Variants in AP1M1 observed in about 807,000 individuals in gnomAD.
AP1M1 encodes the protein AP-1 complex subunit mu-1.
AP1M1 carries 18 observed loss-of-function variants against 57.1 expected under a neutral mutation model. That is an observed-to-expected ratio of 0.32 (90% CI 0.22 to 0.47). AP1M1 has a LOEUF of 0.47. Among genes scored for constraint, AP1M1 ranks in the 20% least tolerant of loss-of-function variants. The probability of loss-of-function intolerance (pLI) is 1.00; values close to 1 mark genes in which losing one functional copy is unlikely to be tolerated. For missense variants in AP1M1, 362 were observed against 593.5 expected (o/e 0.61, Z 4.05); for synonymous variants, 241 against 237.9 (o/e 1.01, Z -0.12).
In AP1M1 at chr19:16,204,027, C is replaced by T. The variant is rs887672782; in HGVS notation, c.199+412C>T. On this transcript the variant is annotated intron_variant, in intron 2 of 11. Transcript: ENST00000291439. ...AGGGCAGCGAGGCTGGAGTGGTCAG[C>T]GGGGTCTGGGGTCTCAAAGAACATC... Among the ~76,000 whole-genome samples, 4 of 151,986 alleles carry T rather than the reference C, an allele frequency of 2.6e-5. 1 individual carries two copies. Among genetic ancestry groups the T allele is most frequent in the African/African-American group, 2.4e-5 (1 of 41,374 alleles).
At chr19:16,224,743 G>T (rs573544063) in intron 5 of AP1M1, among the ~76,000 whole-genome samples, 1 of 152,302 alleles carries the variant, frequency 6.6e-6, no homozygotes, top group Admixed American at 6.5e-5. Flanking sequence ...ACTCCCTGAG[G>T]GGGAGGCAGC....
intron 1 of AP1M1, among the ~76,000 whole-genome samples, chr19:16,199,761 G>A (rs925274687): frequency 2.6e-5 from 4 of 152,184 alleles, no homozygotes; most frequent in Non-Finnish European, 5.9e-5. Context: ...TGGGTGGTGC[G>A]GTGGAATGAG....
chr19:16,202,663 G>A (rs747156529), intron 1 of AP1M1, among the ~76,000 whole-genome samples: 5 of 152,226 alleles, frequency 3.3e-5, no homozygotes, highest in Admixed American at 6.5e-5. Context: ...TCGGGAGTCC[G>A]ATCCCTTCCG....
Position 16,228,875 on chromosome 19 carries a change from G to A in AP1M1, c.994G>A (p.Val332Ile), listed in dbSNP as rs769317734. The A allele has an allele frequency of 8.1e-6, 13 of 1,614,074 alleles. No individual in the cohort carries two copies. The highest frequency in any genetic ancestry group is 1.0e-5 in the Non-Finnish European group (12 of 1,180,038). The stretch of plus-strand genomic sequence containing the variant: ...CAAGTTCAAGACGACGGTGGGGAGC[G>A]TTAAGTGGGTCCCCGAGAACAGCGA... ...SPKFKTTVGS[V>I]KWVPENSEIV... Residue 332 changes from valine (V) to isoleucine (I), a missense_variant, in exon 9 of 12, where the codon GTT becomes ATT. Around this residue, in one of 2 missense-constraint regions of AP1M1, gnomAD observed 337 missense variants for 511.1 expected, o/e 0.66. Coordinates refer to ENST00000291439, the MANE Select transcript of AP1M1 (RefSeq NM_032493.4). The surrounding 1 kb of genome is among the most constrained non-coding windows in gnomAD (Gnocchi z 5.0).
chr19:16,218,311 T>C (rs1266484902), intron 5 of AP1M1, among the ~76,000 whole-genome samples: 1 of 152,196 alleles, frequency 6.6e-6, no homozygotes, highest in Non-Finnish European at 1.5e-5. Context: ...GTCTCAGTTT[T>C]GGGGCTCGCC....
In AP1M1 at chr19:16,198,087, C is replaced by A. The variant is rs1312460693; in HGVS notation, c.42+19C>A. 3.1e-6 allele frequency: 5 copies of A among 1,593,744 alleles called. No homozygotes were observed. Among genetic ancestry groups the A allele is most frequent in the Non-Finnish European group, 3.4e-6 (4 of 1,173,670 alleles). Reference sequence around the variant, plus strand: ...GGGCAAGGTACTGAGGGCTCCCCACCCTCCCTGTTGCCAGGCAACCGGCAG... The same window carrying A: ...GGGCAAGGTACTGAGGGCTCCCCACACTCCCTGTTGCCAGGCAACCGGCAG... On this transcript the variant is annotated intron_variant, in intron 1 of 11. Transcript: ENST00000291439.
At chr19:16,229,953 G>T (rs2091588982) in intron 9 of AP1M1, among the ~76,000 whole-genome samples, 1 of 152,270 alleles carries the variant, frequency 6.6e-6, no homozygotes, top group South Asian at 2.1e-4. Flanking sequence ...TCCATGGAGG[G>T]GTGGTGACCA....
chr19:16,228,905 G>A lies in AP1M1; in HGVS notation c.1024G>A (p.Val342Met), dbSNP rs767279011. ...GTGGGTCCCCGAGAACAGCGAGATC[G>A]TGTGGTCCATCAAGTCCTTCCCGGT... ...VKWVPENSEIVWSIKSFPGGK... is the reference protein window; with the variant it reads ...VKWVPENSEIMWSIKSFPGGK... The change falls in exon 9 of 12, where the codon GTG (valine) becomes ATG (methionine). Residue 342 changes from valine (V) to methionine (M), a missense_variant. Physicochemically the swap from Val to Met is conservative, Grantham distance 21. Transcript: ENST00000291439. The surrounding 1 kb of genome is among the most constrained non-coding windows in gnomAD (Gnocchi z 5.0). 57 of 1,614,042 alleles carry A rather than the reference G, an allele frequency of 3.5e-5. No individual in the cohort carries two copies. In the South Asian group the frequency reaches 4.9e-4, roughly 14 times the overall value.
chr19:16,215,463 CAAAAAAAAAAAAAAAAAA>C (rs59357311), intron 5 of AP1M1, among the ~76,000 whole-genome samples: 1 of 30,970 alleles, frequency 3.2e-5, no homozygotes, highest in Non-Finnish European at 7.1e-5. Flanking sequence ...GATTCCATCT[CAAAAAAAAAAAAAAAAAA>C]AAAAAAAAAA....
intron 5 of AP1M1, among the ~76,000 whole-genome samples, chr19:16,219,279 G>A (rs1402981959): frequency 6.6e-6 from 1 of 152,058 alleles, no homozygotes; most frequent in Non-Finnish European, 1.5e-5. Flanking sequence ...ACAAATGCTT[G>A]GGAGCAGAAG....
rs370410116 is a variant in AP1M1, at chr19:16,207,975, A to C, written c.268-44A>C. On this transcript the variant is annotated intron_variant, in intron 3 of 11. Coordinates refer to ENST00000291439, the MANE Select transcript of AP1M1 (RefSeq NM_032493.4). This position sits in a 1 kb window ranked among gnomAD's most constrained non-coding sequence, Gnocchi z 4.2. ...TCATTCATTCCTCATCCGTCCGCTC[A>C]ATGATCTGCCTCCCATTCCTCCCTC... 1 of 1,589,538 alleles carries C rather than the reference A, an allele frequency of 6.3e-7. No homozygotes were observed. Among genetic ancestry groups the C allele is most frequent in the Non-Finnish European group, 8.6e-7 (1 of 1,168,126 alleles).
chr19:16,200,567 G>A (rs1219602991), intron 1 of AP1M1, among the ~76,000 whole-genome samples: 2 of 152,126 alleles, frequency 1.3e-5, no homozygotes, highest in Non-Finnish European at 2.9e-5. Flanking sequence ...CACGACCCAC[G>A]GACCTCCTGT....
intron 5 of AP1M1, among the ~76,000 whole-genome samples, chr19:16,221,447 T>A (rs1438621121): frequency 6.6e-6 from 1 of 152,224 alleles, no homozygotes; most frequent in Non-Finnish European, 1.5e-5. Flanking sequence ...CTGTGTCCTA[T>A]CTCCATTGGC....
Position 16,203,719 on chromosome 19 carries a change from C to T in AP1M1, c.199+104C>T, listed in dbSNP as rs2091458541. The T allele has an allele frequency of 4.7e-6, 6 of 1,266,942 alleles. No homozygotes were observed. The South Asian group carries it at 5.8e-5, about 12-fold the overall frequency. The allele number at this position is 1,266,942 out of a possible 1,614,324, so 78.5% of individuals were successfully genotyped here. On this transcript the variant is annotated intron_variant, in intron 2 of 11. Coordinates refer to ENST00000291439, the MANE Select transcript of AP1M1 (RefSeq NM_032493.4). The surrounding 1 kb of genome is among the most constrained non-coding windows in gnomAD (Gnocchi z 4.6). ...AGGGCTGGTTTGTGCACAGCGCAAG[C>T]ATTGGACACAGCCATGCCCTCCTGG...
At position 16,236,198 on chromosome 19, in the gene AP1M1, C is replaced by G. The variant is rs1248783891; in HGVS notation, c.*1763C>G. The G allele has an allele frequency of 2.0e-5, 3 of 152,554 alleles. No individual in the cohort carries two copies. Among genetic ancestry groups the G allele is most frequent in the African/African-American group, 7.2e-5 (3 of 41,486 alleles). 9.5% of individuals were successfully genotyped at this position (152,554 alleles called of 1,614,324 possible). A position where few individuals can be genotyped will look rare whatever the true frequency, so the allele number is the denominator to read the frequency against. ...CCCCGGGGCCTAGCTCCAGTGTGGG[C>G]TGTCACTGTCCCCACCCTGTGGAGC... is the stretch of plus-strand genomic sequence containing the variant. On this transcript the variant is annotated 3_prime_UTR_variant, in exon 12 of 12. Transcript: ENST00000291439.
chr19:16,233,894 C>G, intron 10 of AP1M1: 1 of 541,300 alleles, frequency 1.8e-6, no homozygotes, highest in East Asian at 3.2e-5. Context: ...GGCACCCCCT[C>G]AAAAGCCCAC....
intron 5 of AP1M1, among the ~76,000 whole-genome samples, chr19:16,215,444 A>G (rs538810163): frequency 2.3e-4 from 30 of 129,402 alleles, no homozygotes; most frequent in Middle Eastern, 4.0e-3. Context: ...AGCCTGGGCC[A>G]CAGAATGAGA....
intron 9 of AP1M1, 143 bp downstream of exon 9, chr19:16,229,071 C>CA (rs1202508404): frequency 1.0e-6 from 1 of 969,122 alleles, no homozygotes; most frequent in African/African-American, 1.6e-5. Flanking sequence ...AAAGGGTGGA[C>CA]GGAGAGCTGA....
Position 16,236,817 on chromosome 19 carries a change from T to TA in AP1M1, c.*2383dup, listed in dbSNP as rs2091626691. The TA allele has an allele frequency of 6.6e-6, 1 of 152,170 alleles. No individual in the cohort carries two copies. The highest frequency in any genetic ancestry group is 2.4e-5 in the African/African-American group (1 of 41,438). The allele number at this position is 152,170 out of a possible 1,614,324, so 9.4% of individuals were successfully genotyped here. ...TGTTACCTAAGATCCTCGCACACAA[T>TA]AGACCCTCAACATGAGGGCACATCC... On this transcript the variant is annotated 3_prime_UTR_variant, in exon 12 of 12. Transcript: ENST00000291439.
Sources: allele counts gnomAD v4.1 joint callset (sites outside exome capture counted in the v4.1 genomes callset), GRCh38; gene constraint gnomAD v4.1.1; regional missense constraint gnomAD v4.1.1; non-coding constraint Gnocchi (gnomAD v3.1); transcripts MANE v1.5; gene names NCBI Gene and HGNC (gene_info 2026-07-23, HGNC 2026-07-21).